Variants in BAZ2B observed in about 807,000 individuals in gnomAD.
BAZ2B encodes the protein bromodomain adjacent to zinc finger domain 2B, also known as bromodomain adjacent to zinc finger domain protein 2B.
BAZ2B carries 91 observed loss-of-function variants against 246.0 expected under a neutral mutation model. That is an observed-to-expected ratio of 0.37 (90% CI 0.31 to 0.44). The LOEUF is 0.44. BAZ2B is among the 20% of genes least tolerant of loss of function. The pLI is 1.00. For synonymous variants in BAZ2B, 855 were observed against 860.0 expected, an observed-to-expected ratio of 0.99 and a Z score of 0.10; for missense variants, 2,332 against 2,533.7, an observed-to-expected ratio of 0.92 and a Z score of 1.71.
chr2:159,540,741 C>T lies in BAZ2B; in HGVS notation c.-3+15082G>A, dbSNP rs564443075. The stretch of plus-strand genomic sequence containing the variant: ...TAATTTCACTAAGTCTAAGACAAAA[C>T]GATACTTGGAAACTATCTGGTATAT... On this transcript the variant is annotated intron_variant, in intron 2 of 36. Transcript: ENST00000392783. Among the ~76,000 whole-genome samples the T allele has an allele frequency of 1.2e-3, 177 of 152,202 alleles. No homozygotes were observed. In the South Asian group the frequency reaches 0.013, roughly 11 times the overall value.
At chr2:159,706,700 AC>A in the BAZ2B span, among the ~76,000 whole-genome samples, 1 of 152,234 alleles carries the variant, frequency 6.6e-6, no homozygotes, top group African/African-American at 2.4e-5. Flanking sequence ...CTCTGTCACA[AC>A]TACTAAACTG....
intron 1 of BAZ2B, among the ~76,000 whole-genome samples, chr2:159,583,112 CTTT>C (rs11296306): frequency 3.6e-5 from 5 of 137,566 alleles, no homozygotes; most frequent in Admixed American, 7.2e-5. Context: ...TTTTTCTTTT[CTTT>C]TTTTTTTTTT....
chr2:159,550,302 T>C (rs1257327279), intron 2 of BAZ2B, among the ~76,000 whole-genome samples: 1 of 152,166 alleles, frequency 6.6e-6, no homozygotes, highest in East Asian at 1.9e-4. Context: ...GTAGGGACAG[T>C]GTAACATCAT....
the BAZ2B span, among the ~76,000 whole-genome samples, chr2:159,633,027 A>G: frequency 6.6e-6 from 1 of 152,208 alleles, no homozygotes. Context: ...TGGCTATATG[A>G]ATTTTACAAG....
intron 1 of BAZ2B, among the ~76,000 whole-genome samples, chr2:159,569,608 T>C (rs1683461715): frequency 6.6e-6 from 1 of 152,210 alleles, no homozygotes; most frequent in African/African-American, 2.4e-5. Context: ...AAAATGTACT[T>C]TTTAGATTCA....
At chr2:159,337,130 G>A (rs1198984910) in intron 32 of BAZ2B, 53 bp from the exon 33 acceptor site, 11 of 1,548,054 alleles carry the variant, frequency 7.1e-6, no homozygotes, top group African/African-American at 1.4e-5. Flanking sequence ...TTACGATTAC[G>A]GAATGTGAAA....
chr2:159,481,276 T>C (rs1049075431), intron 2 of BAZ2B, among the ~76,000 whole-genome samples: 1 of 152,090 alleles, frequency 6.6e-6, no homozygotes, highest in African/African-American at 2.4e-5. Context: ...AGGCAATGCC[T>C]TTGTAATTGT....
At chr2:159,418,415 C>A (rs1290113223) in intron 13 of BAZ2B, among the ~76,000 whole-genome samples, 1 of 152,118 alleles carries the variant, frequency 6.6e-6, no homozygotes, top group Admixed American at 6.6e-5. Context: ...ATCTTATAGA[C>A]AGTAAATTGC....
chr2:159,528,638 G>A (rs574926837), intron 2 of BAZ2B, among the ~76,000 whole-genome samples: 37 of 150,158 alleles, frequency 2.5e-4, no homozygotes, highest in Admixed American at 1.0e-3. Context: ...AGCCAAGCTC[G>A]CGCCACTGTA....
At chr2:159,633,652 T>C in the BAZ2B span, among the ~76,000 whole-genome samples, 3 of 152,246 alleles carry the variant, frequency 2.0e-5, no homozygotes, top group South Asian at 2.1e-4. Flanking sequence ...TAAAAATTCA[T>C]GACTACCTTC....
intron 13 of BAZ2B, among the ~76,000 whole-genome samples, chr2:159,420,046 T>C (rs1366260807): frequency 3.9e-5 from 6 of 152,234 alleles, no homozygotes; most frequent in Non-Finnish European, 7.4e-5. Flanking sequence ...AAAACCCTAA[T>C]TTTTAGCTGG....
At chr2:159,558,895 T>C (rs1156509557) in intron 1 of BAZ2B, among the ~76,000 whole-genome samples, 1 of 152,066 alleles carries the variant, frequency 6.6e-6, no homozygotes, top group Non-Finnish European at 1.5e-5. Flanking sequence ...ACAGGAAACA[T>C]TCTCTCTAAA....
chr2:159,603,990 A>C (rs897523170), intron 1 of BAZ2B, among the ~76,000 whole-genome samples: 2 of 152,232 alleles, frequency 1.3e-5, no homozygotes, highest in African/African-American at 4.8e-5. Context: ...TGAATAATAG[A>C]ATTTTGAACA....
the BAZ2B span, among the ~76,000 whole-genome samples, chr2:159,653,517 G>A: frequency 6.6e-6 from 1 of 152,062 alleles, no homozygotes; most frequent in Admixed American, 6.6e-5. Flanking sequence ...GTGTTACCTA[G>A]TACCTCTAAA....
intron 31 of BAZ2B, among the ~76,000 whole-genome samples, chr2:159,342,820 T>C (rs369268588): frequency 6.2e-4 from 95 of 152,250 alleles, no homozygotes; most frequent in African/African-American, 1.8e-3. Context: ...GAAGAATCAA[T>C]ATTGTTAAAA....
chr2:159,323,401 CAA>C (rs2062987016), intron 36 of BAZ2B, among the ~76,000 whole-genome samples: 1 of 152,094 alleles, frequency 6.6e-6, no homozygotes, highest in South Asian at 2.1e-4. Context: ...AAGTTAAAAT[CAA>C]GAGTTAATTT....
At chr2:159,370,849 TG>T (rs966188654) in intron 27 of BAZ2B, among the ~76,000 whole-genome samples, 1 of 152,200 alleles carries the variant, frequency 6.6e-6, no homozygotes, top group Non-Finnish European at 1.5e-5. Context: ...TTGCCCAGGC[TG>T]AAGTGCAATG....
chr2:159,444,586 C>T (rs1317172100), intron 6 of BAZ2B: 1 of 152,092 alleles, frequency 6.6e-6, no homozygotes, highest in Non-Finnish European at 1.5e-5. Flanking sequence ...TTGATGCTGT[C>T]TTGAAAAAGG....
chr2:159,674,540 C>G, the BAZ2B span, among the ~76,000 whole-genome samples: 3 of 151,762 alleles, frequency 2.0e-5, no homozygotes, highest in Admixed American at 6.6e-5. Flanking sequence ...CATGGTGAAA[C>G]TGCATCTCTA....
Sources: gnomAD v4.1 joint callset for allele counts (sites outside exome capture counted in the v4.1 genomes callset) on GRCh38, gnomAD v4.1.1 for gene constraint, MANE v1.5 for transcripts, NCBI Gene and HGNC (gene_info 2026-07-23, HGNC 2026-07-21) for gene names.